The following ARHGAP29 variants were observed in gnomAD, a reference collection of about 807,000 sequenced individuals.
ARHGAP29 encodes the protein rho GTPase-activating protein 29.
ARHGAP29 carries 43 observed loss-of-function variants against 122.6 expected under a neutral mutation model. The ratio of observed to expected loss-of-function variants is 0.35; its 90% CI spans 0.27 to 0.45. The LOEUF (loss-of-function observed/expected upper bound fraction) is 0.45, where lower values mean the gene tolerates loss of function less well. ARHGAP29 is among the 20% of genes least tolerant of loss of function. The pLI is 1.00. For missense variants in ARHGAP29, 1,303 were observed against 1,477.2 expected, an observed-to-expected ratio of 0.88 and a Z score of 1.93; for synonymous variants, 506 against 497.1, an observed-to-expected ratio of 1.02 and a Z score of -0.24.
Position 94,172,612 on chromosome 1 carries a change from G to GAGAT in ARHGAP29, c.*1256_*1257insATCT, listed in dbSNP as rs145016128. On this transcript the variant is annotated 3_prime_UTR_variant, in exon 23 of 23. Coordinates refer to ENST00000260526, the MANE Select transcript of ARHGAP29 (RefSeq NM_004815.4). ...GGAACATGAAATAATTTAACAAGTT[G>GAGAT]ATATATATATATATATATATTATCA... 2 of 145,060 alleles carry GAGAT rather than the reference G, an allele frequency of 1.4e-5. No individual in the cohort carries two copies. Among genetic ancestry groups the GAGAT allele is most frequent in the African/African-American group, 5.0e-5 (2 of 39,778 alleles). The allele number at this position is 145,060 out of a possible 1,614,324, so 9.0% of individuals were successfully genotyped here.
chr1:94,178,280 G>C, intron 20 of ARHGAP29, 113 bp from the exon 21 acceptor site: 1 of 964,894 alleles, frequency 1.0e-6, no homozygotes, highest in Non-Finnish European at 1.5e-6. Flanking sequence ...AAAAATACTA[G>C]GGGGAAAAAG....
Position 94,205,053 on chromosome 1 carries a change from C to A in ARHGAP29, c.697+8G>T. The A allele has an allele frequency of 6.4e-7, 1 of 1,552,084 alleles. No individual in the cohort carries two copies. Among genetic ancestry groups the A allele is most frequent in the Admixed American group, 2.1e-5 (1 of 46,524 alleles). ...ACTCTAAATCAGATGCTTTAAAAGG[C>A]AACTCACCCAAGTTAAGCTTTTTTT... On this transcript the variant is annotated splice_region_variant and intron_variant, in intron 7 of 22. Transcript: ENST00000260526.
chr1:94,278,102 G>A (rs1185735665), upstream of ARHGAP29, among the ~76,000 whole-genome samples: 3 of 152,152 alleles, frequency 2.0e-5, no homozygotes, highest in Non-Finnish European at 4.4e-5. Flanking sequence ...AAGTGCTTGA[G>A]GCCAGGAGTT....
intron 1 of ARHGAP29, among the ~76,000 whole-genome samples, chr1:94,232,234 G>A (rs971226030): frequency 7.1e-6 from 1 of 140,418 alleles, no homozygotes; most frequent in African/African-American, 2.6e-5. Flanking sequence ...TAAAATGGGA[G>A]TAACATCCTG....
At chr1:94,305,281 A>G in the ARHGAP29 span, among the ~76,000 whole-genome samples, 1 of 152,234 alleles carries the variant, frequency 6.6e-6, no homozygotes, top group Non-Finnish European at 1.5e-5. Flanking sequence ...AATATTCACC[A>G]GGATGCTCTT....
intron 1 of ARHGAP29, among the ~76,000 whole-genome samples, chr1:94,268,111 A>C (rs914928120): frequency 1.3e-5 from 2 of 152,174 alleles, no homozygotes; most frequent in African/African-American, 2.4e-5. Flanking sequence ...ATTTATTTTT[A>C]AAATTAGTGT....
At chr1:94,206,843 C>G (rs1651221957) in intron 5 of ARHGAP29, among the ~76,000 whole-genome samples, 1 of 32,122 alleles carries the variant, frequency 3.1e-5, no homozygotes, top group South Asian at 2.9e-3. Flanking sequence ...TTGCAGTGAG[C>G]CGAGATCACA....
rs368475090 is a variant in ARHGAP29, at chr1:94,203,918, C to A, written c.762+12G>T. On this transcript the variant is annotated intron_variant, in intron 8 of 22. Coordinates refer to ENST00000260526, the MANE Select transcript of ARHGAP29 (RefSeq NM_004815.4). ...CTTATTATAGAACCCCCGAAGTTCA[C>A]AGAACACTTACCTGAATTCCAATGT... 1 of 1,612,752 alleles carries A rather than the reference C, an allele frequency of 6.2e-7. No homozygotes were observed. The highest frequency in any genetic ancestry group is 1.3e-5 in the African/African-American group (1 of 74,894).
intron 1 of ARHGAP29, among the ~76,000 whole-genome samples, chr1:94,265,364 G>A (rs1170272099): frequency 6.6e-6 from 1 of 152,190 alleles, no homozygotes; most frequent in Non-Finnish European, 1.5e-5. Context: ...CTTCCTCCTT[G>A]GCTCTGGCCC....
At chr1:94,311,104 T>TGACC in the ARHGAP29 span, among the ~76,000 whole-genome samples, 1 of 152,230 alleles carries the variant, frequency 6.6e-6, no homozygotes, top group Non-Finnish European at 1.5e-5. Flanking sequence ...ACTCATTTCC[T>TGACC]GACCTATTTC....
chr1:94,276,807 A>G (rs1655207760), upstream of ARHGAP29, among the ~76,000 whole-genome samples: 2 of 151,062 alleles, frequency 1.3e-5, no homozygotes, highest in Admixed American at 1.3e-4. Context: ...AAAAAAAAAA[A>G]AAGGACTGTG....
At chr1:94,220,092 T>C (rs975173304) in intron 3 of ARHGAP29, among the ~76,000 whole-genome samples, 166 bp downstream of exon 3, 2 of 152,218 alleles carry the variant, frequency 1.3e-5, no homozygotes, top group African/African-American at 4.8e-5. Context: ...AAGCTTTAGG[T>C]GTGACTTAGT....
At chr1:94,275,594 A>G (rs1570635173), upstream of ARHGAP29, among the ~76,000 whole-genome samples, 2 of 152,190 alleles carry the variant, frequency 1.3e-5, no homozygotes, top group Non-Finnish European at 1.5e-5. Flanking sequence ...AGAATTCTTC[A>G]TGCCTTCAGG....
At chr1:94,311,810 TG>T in the ARHGAP29 span, among the ~76,000 whole-genome samples, 1 of 152,222 alleles carries the variant, frequency 6.6e-6, no homozygotes, top group African/African-American at 2.4e-5. Flanking sequence ...GTCCACTAAA[TG>T]TCCACATCTG....
Position 94,190,105 on chromosome 1 carries a change from G to A in ARHGAP29, c.1282-22C>T, listed in dbSNP as rs1650048754. On this transcript the variant is annotated intron_variant, in intron 12 of 22. Transcript: ENST00000260526. Reference sequence around the variant, plus strand: ...TTACCTATGGACCCAGAGACAAAAGGCAGAGTAACTCATGATATACAGAAT... The same window carrying A: ...TTACCTATGGACCCAGAGACAAAAGACAGAGTAACTCATGATATACAGAAT... The A allele has an allele frequency of 1.9e-6, 3 of 1,609,846 alleles. No homozygotes were observed. In the Admixed American group the frequency reaches 5.1e-5, roughly 27 times the overall value.
At chr1:94,237,603 G>A, upstream of ARHGAP29, 32 of 987,968 alleles carry the variant, frequency 3.2e-5, no homozygotes, top group Non-Finnish European at 3.8e-5. Flanking sequence ...CACCGCCCCT[G>A]CAGCTACCGC....
At chr1:94,208,512 T>G (rs559018025) in intron 5 of ARHGAP29, among the ~76,000 whole-genome samples, 1 of 151,950 alleles carries the variant, frequency 6.6e-6, no homozygotes, top group East Asian at 1.9e-4. Flanking sequence ...TAGGCTGGAG[T>G]GCAGTGGTGT....
chr1:94,192,531 CA>C (rs1650186468), intron 12 of ARHGAP29: 1 of 152,194 alleles, frequency 6.6e-6, no homozygotes, highest in African/African-American at 2.4e-5. Context: ...AGACCCCAAG[CA>C]AGTCCAAATC....
chr1:94,190,833 A>T (rs1340465764), intron 12 of ARHGAP29: 1 of 152,168 alleles, frequency 6.6e-6, no homozygotes, highest in African/African-American at 2.4e-5. Context: ...AAATTACGTA[A>T]ATAAAATACT....
Sources: gnomAD v4.1 joint callset for allele counts (sites outside exome capture counted in the v4.1 genomes callset) on GRCh38, gnomAD v4.1.1 for gene constraint, MANE v1.5 for transcripts, NCBI Gene and HGNC (gene_info 2026-07-23, HGNC 2026-07-21) for gene names.